Variants in AKR1E2 observed in about 807,000 individuals in gnomAD.
AKR1E2 encodes 1,5-anhydro-D-fructose reductase.
In AKR1E2, 43 loss-of-function variants were observed where a neutral mutation model predicts 41.9. The ratio of observed to expected loss-of-function variants is 1.03; its 90% CI spans 0.80 to 1.32. The LOEUF (loss-of-function observed/expected upper bound fraction) is 1.32. Ranked by LOEUF, AKR1E2 falls within the 40% of genes most tolerant of loss-of-function variation. The pLI, the probability that AKR1E2 is intolerant of heterozygous loss-of-function variation, is 0.00. For synonymous variants in AKR1E2, 121 were observed against 138.9 expected, an observed-to-expected ratio of 0.87 and a Z score of 0.91; for missense variants, 423 against 396.5, an observed-to-expected ratio of 1.07 and a Z score of -0.57.
At chr10:4,870,725 A>G in the AKR1E2 span, among the ~76,000 whole-genome samples, 2 of 150,366 alleles carry the variant, frequency 1.3e-5, no homozygotes, top group African/African-American at 2.4e-5. Context: ...TTTAGTTTTC[A>G]TGCATTTAAT....
At chr10:4,860,224 T>C in the AKR1E2 span, among the ~76,000 whole-genome samples, 39,279 of 152,138 alleles carry the variant, frequency 0.26, 5,282 homozygotes, top group Middle Eastern at 0.37. Flanking sequence ...TGATATTGGA[T>C]TTGTGTTTTT....
the AKR1E2 span, among the ~76,000 whole-genome samples, chr10:4,870,754 G>A: frequency 6.6e-6 from 1 of 151,224 alleles, no homozygotes; most frequent in Non-Finnish European, 1.5e-5. Flanking sequence ...GTCTTGGTGT[G>A]CATTTCTTTT....
chr10:4,872,760 A>G, the AKR1E2 span, among the ~76,000 whole-genome samples: 1 of 152,226 alleles, frequency 6.6e-6, no homozygotes, highest in Non-Finnish European at 1.5e-5. Flanking sequence ...AAGATAAAAT[A>G]AGCTAAATAA....
intron 4 of AKR1E2, 154 bp from the exon 5 acceptor site, chr10:4,837,305 C>T (rs1374568848): frequency 1.8e-6 from 2 of 1,141,518 alleles, no homozygotes; most frequent in Admixed American, 2.7e-5. Flanking sequence ...GAAATCAGAC[C>T]TTGAGTGCAG....
intron 3 of AKR1E2, 51 bp downstream of exon 3, chr10:4,833,517 G>A (rs547858470): frequency 2.3e-5 from 34 of 1,477,810 alleles, no homozygotes; most frequent in Admixed American, 8.4e-5. Flanking sequence ...CTTCCTCCCC[G>A]TGCTCACACC....
intron 4 of AKR1E2, among the ~76,000 whole-genome samples, chr10:4,836,784 T>G (rs777266005): frequency 6.6e-6 from 1 of 152,148 alleles, no homozygotes; most frequent in Non-Finnish European, 1.5e-5. Context: ...ACCAGCGAGG[T>G]TCCGGTGATT....
chr10:4,846,153 A>G, intron 8 of AKR1E2: 1 of 268,026 alleles, frequency 3.7e-6, no homozygotes, highest in Non-Finnish European at 7.5e-6. Context: ...CCTCCAGATG[A>G]CACGCTGAGG....
the AKR1E2 span, among the ~76,000 whole-genome samples, chr10:4,862,432 A>G: frequency 1.3e-5 from 2 of 152,274 alleles, no homozygotes; most frequent in East Asian, 1.9e-4. Context: ...TTGGTTCCAT[A>G]TGAACTTTAA....
At position 4,837,703 on chromosome 10, in the gene AKR1E2, G is replaced by A. The variant is rs1833544105; in HGVS notation, c.582+122G>A. Reference sequence around the variant, plus strand: ...GCACAAAACAGGCCTGTTCTCCTCTGGCAGCACTCAGAATGGTGATTAAAG... The same window carrying A: ...GCACAAAACAGGCCTGTTCTCCTCTAGCAGCACTCAGAATGGTGATTAAAG... On this transcript the variant is annotated intron_variant, in intron 5 of 9. Transcript: ENST00000298375. 4.2e-6 allele frequency: 6 copies of A among 1,425,938 alleles called. No individual in the cohort carries two copies. The East Asian group carries it at 9.7e-5, about 23-fold the overall frequency. 88.3% of individuals were successfully genotyped at this position (1,425,938 alleles called of 1,614,324 possible).
intron 8 of AKR1E2, chr10:4,845,729 T>A: frequency 2.1e-6 from 1 of 471,072 alleles, no homozygotes; most frequent in East Asian, 7.0e-5. Context: ...AAAGTGAATG[T>A]GACACGGGGA....
chr10:4,840,617 C>G (rs967052642), intron 6 of AKR1E2, among the ~76,000 whole-genome samples: 14 of 152,354 alleles, frequency 9.2e-5, no homozygotes, highest in Admixed American at 2.0e-4. Context: ...CCTTCCCATC[C>G]CTGTGAACAT....
the AKR1E2 span, among the ~76,000 whole-genome samples, chr10:4,866,553 C>T: frequency 0.23 from 34,199 of 151,856 alleles, 4,073 homozygotes; most frequent in Middle Eastern, 0.35. Context: ...GAGTAATTCA[C>T]GCAGAGCCAG....
chr10:4,828,356 G>A (rs948638426), intron 1 of AKR1E2, among the ~76,000 whole-genome samples: 10 of 152,302 alleles, frequency 6.6e-5, no homozygotes, highest in African/African-American at 2.4e-4. Context: ...CTCAGCCTGG[G>A]CTCTTCATTA....
intron 8 of AKR1E2, among the ~76,000 whole-genome samples, chr10:4,842,942 TTTGAG>T (rs1834007062): frequency 2.1e-5 from 2 of 96,440 alleles, no homozygotes; most frequent in South Asian, 6.4e-4. Flanking sequence ...AGGGCACTGC[TTTGAG>T]TTGTGTGGGA....
rs377173449 is a variant in AKR1E2 at position 4,835,766 on chromosome 10, A to C, written c.416A>C (p.Asn139Thr). 3.1e-6 allele frequency: 5 copies of C among 1,614,106 alleles called. No individual in the cohort carries two copies. The highest frequency in any genetic ancestry group is 4.2e-6 in the Non-Finnish European group (5 of 1,180,014). ...CAGGACTTGCCTCTGGACGAGAGCA[A>C]CATGGTTATTCCCAGTGACACGGAC... ...RVQDLPLDESNMVIPSDTDFL... is the reference protein window; with the variant it reads ...RVQDLPLDESTMVIPSDTDFL... Residue 139 changes from asparagine (N) to threonine (T), a missense_variant, in exon 4 of 10, where the codon AAC becomes ACC. By Grantham distance (65) the Asn-to-Thr change is moderately conservative. Coordinates refer to ENST00000298375, the MANE Select transcript of AKR1E2 (RefSeq NM_001040177.3).
chr10:4,831,583 T>C (rs1417359523), intron 2 of AKR1E2, among the ~76,000 whole-genome samples: 4 of 152,172 alleles, frequency 2.6e-5, no homozygotes, highest in Non-Finnish European at 4.4e-5. Flanking sequence ...CTTGCCCCCA[T>C]GATTCAGTTA....
chr10:4,853,816 G>T, the AKR1E2 span, among the ~76,000 whole-genome samples: 1 of 152,134 alleles, frequency 6.6e-6, no homozygotes, highest in Non-Finnish European at 1.5e-5. Context: ...ACAAAATACA[G>T]GTCATAAAGA....
At chr10:4,841,697 T>C (rs1714514084) in intron 6 of AKR1E2, 88 bp from the exon 7 acceptor site, 5 of 1,060,454 alleles carry the variant, frequency 4.7e-6, no homozygotes, top group African/African-American at 1.6e-5. Flanking sequence ...AATAAATCTT[T>C]CATTTTGGAC....
At chr10:4,852,493 A>G (rs1834546270), downstream of AKR1E2, among the ~76,000 whole-genome samples, 1 of 152,202 alleles carries the variant, frequency 6.6e-6, no homozygotes, top group Non-Finnish European at 1.5e-5. Context: ...AGCTCCATCA[A>G]TGGAAGGAGA....
Sources: gnomAD v4.1 joint callset for allele counts (sites outside exome capture counted in the v4.1 genomes callset) on GRCh38, gnomAD v4.1.1 for gene constraint, MANE v1.5 for transcripts, NCBI Gene and HGNC (gene_info 2026-07-23, HGNC 2026-07-21) for gene names.